Variants in PGM5 observed in about 807,000 individuals in gnomAD.
PGM5 encodes the protein phosphoglucomutase 5.
Under a neutral mutation model 59.2 loss-of-function variants are expected in PGM5, and 23 were observed. That is an observed-to-expected ratio of 0.39 (90% confidence interval 0.28 to 0.55). The LOEUF (loss-of-function observed/expected upper bound fraction) is 0.55, where lower values mean the gene tolerates loss of function less well. Among genes scored for constraint, PGM5 ranks in the 20% least tolerant of loss-of-function variants. The pLI, the probability that PGM5 is intolerant of heterozygous loss-of-function variation, is 0.66. For synonymous variants in PGM5, 214 were observed against 286.0 expected (o/e 0.75, Z 2.54); for missense variants, 574 against 748.3 (o/e 0.77, Z 2.72).
Position 68,499,347 on chromosome 9 carries a change from G to A in PGM5, c.1600G>A (p.Asp534Asn). The change falls in exon 10 of 11, where the codon GAC (aspartate) becomes AAC (asparagine). Residue 534 changes from aspartate (D) to asparagine (N), a missense_variant. Around this residue, in one of 7 missense-constraint regions of PGM5, gnomAD observed 300 missense variants for 280.0 expected, o/e 1.07. Transcript: ENST00000396396. The part of the protein sequence containing the change: ...ESYERDPSGH[D>N]QEPQAVLSPL... ...CTACGAGAGGGATCCCAGCGGCCAT[G>A]ACCAGGAGCCACAGGTACAGAAACA... The A allele has an allele frequency of 6.2e-7, 1 of 1,614,058 alleles. No individual in the cohort carries two copies. The highest frequency in any genetic ancestry group is 8.5e-7 in the Non-Finnish European group (1 of 1,179,996).
At chr9:68,516,508 G>A (rs1230792572) in intron 10 of PGM5, among the ~76,000 whole-genome samples, 1 of 152,210 alleles carries the variant, frequency 6.6e-6, no homozygotes, top group Non-Finnish European at 1.5e-5. Context: ...GCAGTTAGGC[G>A]AAGTACAGAG....
intron 9 of PGM5, chr9:68,498,237 C>A (rs1824513633): frequency 6.6e-6 from 1 of 152,148 alleles, no homozygotes; most frequent in Non-Finnish European, 1.5e-5. Context: ...GATCTTTACA[C>A]TAAAGGTGTT....
chr9:68,368,118 C>A (rs1834714562), intron 1 of PGM5, among the ~76,000 whole-genome samples: 3 of 151,700 alleles, frequency 2.0e-5, no homozygotes, highest in African/African-American at 4.8e-5. Flanking sequence ...TATAGCCCCC[C>A]CATAAAGCTT....
chr9:68,515,325 T>G (rs1336197649), intron 10 of PGM5, among the ~76,000 whole-genome samples: 2 of 152,176 alleles, frequency 1.3e-5, no homozygotes, highest in Non-Finnish European at 2.9e-5. Flanking sequence ...ATGTTTTTAG[T>G]GCCTGGTGTT....
chr9:68,361,300 T>C (rs1424485863), intron 1 of PGM5, among the ~76,000 whole-genome samples: 1 of 152,232 alleles, frequency 6.6e-6, no homozygotes, highest in Non-Finnish European at 1.5e-5. Flanking sequence ...TCTTTGTTTA[T>C]GTATTTATTT....
chr9:68,440,085 C>G (rs1361922267), intron 6 of PGM5, among the ~76,000 whole-genome samples: 4 of 151,968 alleles, frequency 2.6e-5, no homozygotes, highest in Non-Finnish European at 5.9e-5. Context: ...CAAAAATGGA[C>G]AGAATGGAAA....
At chr9:68,446,498 T>A (rs1554684009) in intron 6 of PGM5, among the ~76,000 whole-genome samples, 1 of 152,230 alleles carries the variant, frequency 6.6e-6, no homozygotes. Context: ...TTTCTTTCTG[T>A]GTTCTGTTTA....
intron 1 of PGM5, among the ~76,000 whole-genome samples, chr9:68,377,667 CAG>C (rs1433281234): frequency 1.3e-5 from 2 of 152,224 alleles, no homozygotes; most frequent in Admixed American, 1.3e-4. Flanking sequence ...CACTTAACAG[CAG>C]AAAGAGAATT....
At chr9:68,421,301 C>T (rs1432849719) in intron 6 of PGM5, among the ~76,000 whole-genome samples, 1 of 152,194 alleles carries the variant, frequency 6.6e-6, no homozygotes, top group African/African-American at 2.4e-5. Context: ...GTGGCTCCAG[C>T]CTCAGAGGCT....
Position 68,387,530 on chromosome 9 carries a change from C to G in PGM5, c.639C>G (p.Ile213Met). The change falls in exon 4 of 11, where the codon ATC (isoleucine) becomes ATG (methionine). Residue 213 changes from isoleucine to methionine, a missense_variant. Around this residue, in one of 7 missense-constraint regions of PGM5, gnomAD observed 103 missense variants for 112.4 expected, o/e 0.92. Transcript: ENST00000396396. ...GGACCATCTTTGACTTTCATGCCAT[C>G]AAGGGTTTGCTGACTGGACCCAGCC... Reference protein sequence around the residue: ...LLRTIFDFHAIKGLLTGPSQL... With the variant: ...LLRTIFDFHAMKGLLTGPSQL... The G allele has an allele frequency of 6.2e-7, 1 of 1,612,122 alleles. No individual in the cohort carries two copies. Among genetic ancestry groups the G allele is most frequent in the Non-Finnish European group, 8.5e-7 (1 of 1,178,530 alleles).
At chr9:68,391,835 T>C (rs1454623384) in intron 5 of PGM5, 111 bp downstream of exon 5, 3 of 1,080,394 alleles carry the variant, frequency 2.8e-6, no homozygotes, top group Non-Finnish European at 2.7e-6. Flanking sequence ...GGGACATGTG[T>C]GCCCTAACTG....
rs1243870300 is a variant in PGM5, at chr9:68,515,899, T to G, written c.1615-13668T>G. On this transcript the variant is annotated intron_variant, in intron 10 of 10. Transcript: ENST00000396396. ...CTTTTCTATTAATAGCAAGTCAGGC[T>G]TCTGTCTTCAATGATGATGATAATG... 2.6e-5 allele frequency among the ~76,000 whole-genome samples: 4 copies of G among 152,226 alleles called. 1 individual carries two copies. In the East Asian group the frequency reaches 7.7e-4, roughly 29 times the overall value.
chr9:68,498,869 C>A, intron 9 of PGM5: 1 of 240,828 alleles, frequency 4.2e-6, no homozygotes, highest in Non-Finnish European at 8.2e-6. Flanking sequence ...CACAGATTTA[C>A]AAGGGACAAA....
At chr9:68,424,080 G>T (rs1170872300) in intron 6 of PGM5, among the ~76,000 whole-genome samples, 1 of 152,048 alleles carries the variant, frequency 6.6e-6, no homozygotes, top group Non-Finnish European at 1.5e-5. Context: ...TCTGCCCTCC[G>T]CAAGCCTCAG....
At chr9:68,436,623 A>G (rs2132059943) in intron 6 of PGM5, among the ~76,000 whole-genome samples, 1 of 152,260 alleles carries the variant, frequency 6.6e-6, no homozygotes, top group South Asian at 2.1e-4. Context: ...TGGCCTCATG[A>G]TTGAAATTTC....
chr9:68,447,471 G>A lies in PGM5; in HGVS notation c.1044-17622G>A, dbSNP rs186539711. Reference sequence around the variant, plus strand: ...TGAACCACAGGGCTTTTTTGTACTAGCTCTGAGGCCTTGGACAAGTCATAT... The same window carrying A: ...TGAACCACAGGGCTTTTTTGTACTAACTCTGAGGCCTTGGACAAGTCATAT... On this transcript the variant is annotated intron_variant, in intron 6 of 10. Transcript: ENST00000396396. Among the ~76,000 whole-genome samples the A allele has an allele frequency of 6.3e-4, 96 of 152,198 alleles. 1 individual carries two copies. In the East Asian group the frequency reaches 0.018, roughly 28 times the overall value.
At chr9:68,528,086 G>A (rs1241494423) in intron 10 of PGM5, among the ~76,000 whole-genome samples, 1 of 152,138 alleles carries the variant, frequency 6.6e-6, no homozygotes, top group East Asian at 1.9e-4. Context: ...ATAGGTTAGG[G>A]CCCACAAGGA....
chr9:68,386,267 A>G (rs559735483), intron 3 of PGM5, among the ~76,000 whole-genome samples: 1 of 152,192 alleles, frequency 6.6e-6, no homozygotes, highest in Non-Finnish European at 1.5e-5. Flanking sequence ...ACATAACAAA[A>G]TTTACCATTT....
At chr9:68,425,425 G>C (rs1294501997) in intron 6 of PGM5, among the ~76,000 whole-genome samples, 1 of 152,170 alleles carries the variant, frequency 6.6e-6, no homozygotes, top group African/African-American at 2.4e-5. Flanking sequence ...GTGATGGAGG[G>C]ATGTGGAGAC....
Sources: gnomAD v4.1 joint callset for allele counts (sites outside exome capture counted in the v4.1 genomes callset) on GRCh38, gnomAD v4.1.1 for gene constraint, gnomAD v4.1.1 regional missense constraint, MANE v1.5 for transcripts, NCBI Gene and HGNC (gene_info 2026-07-23, HGNC 2026-07-21) for gene names.